The following NTRK2 variants were observed in gnomAD, a reference collection of about 807,000 sequenced individuals.
The protein encoded by NTRK2 is neurotrophic receptor tyrosine kinase 2.
A neutral mutation model predicts 94.5 loss-of-function variants in NTRK2; 13 were observed. The observed-to-expected ratio is 0.14, with a 90% confidence interval of 0.09 to 0.22. NTRK2 has a LOEUF of 0.22. NTRK2 is among the 10% of genes least tolerant of loss of function. The probability of loss-of-function intolerance (pLI) is 1.00; values close to 1 mark genes in which losing one functional copy is unlikely to be tolerated. For missense variants in NTRK2, 639 were observed against 1,071.2 expected, an observed-to-expected ratio of 0.60 and a Z score of 5.63; for synonymous variants, 372 against 407.4, an observed-to-expected ratio of 0.91 and a Z score of 1.05.
intron 12 of NTRK2, chr9:84,811,296 C>CCTAAAAG: frequency 9.4e-7 from 1 of 1,065,196 alleles, no homozygotes. Context: ...CAAAACAAAA[C>CCTAAAAG]AAACAAATGA....
intron 17 of NTRK2, among the ~76,000 whole-genome samples, chr9:85,000,125 G>A (rs1300610294): frequency 6.6e-6 from 1 of 152,048 alleles, no homozygotes; most frequent in Non-Finnish European, 1.5e-5. Flanking sequence ...ATAGCAAAGT[G>A]GAACAGAAAG....
chr9:84,893,256 AG>A (rs758988967), intron 14 of NTRK2, among the ~76,000 whole-genome samples: 37 of 152,178 alleles, frequency 2.4e-4, no homozygotes, highest in Non-Finnish European at 5.0e-4. Flanking sequence ...TGCCTGTTCT[AG>A]GGCTTCAAAT....
chr9:84,893,484 T>C (rs1026699470), intron 14 of NTRK2, among the ~76,000 whole-genome samples: 4 of 152,280 alleles, frequency 2.6e-5, no homozygotes, highest in Admixed American at 2.6e-4. Context: ...CATGCTCTTA[T>C]TTCAGTGTCC....
intron 12 of NTRK2, among the ~76,000 whole-genome samples, chr9:84,789,900 G>A (rs35565890): frequency 0.066 from 10,077 of 152,192 alleles, 567 homozygotes; most frequent in African/African-American, 0.15. Flanking sequence ...GCAATGTAGT[G>A]GATGTAGGGG....
intron 12 of NTRK2, among the ~76,000 whole-genome samples, chr9:84,795,250 G>C (rs1001881248): frequency 1.3e-5 from 2 of 152,188 alleles, no homozygotes; most frequent in African/African-American, 4.8e-5. Flanking sequence ...GGTCTTTGCT[G>C]TTGGCCTCTG....
At chr9:84,742,537 G>A (rs149981259) in intron 10 of NTRK2, among the ~76,000 whole-genome samples, 23 of 152,254 alleles carry the variant, frequency 1.5e-4, no homozygotes, top group Non-Finnish European at 2.4e-4. Context: ...TCCTGAAGGC[G>A]TCCTCAAGGA....
intron 6 of NTRK2, among the ~76,000 whole-genome samples, chr9:84,718,638 G>T: frequency 6.6e-6 from 1 of 152,302 alleles, no homozygotes; most frequent in Non-Finnish European, 1.5e-5. Flanking sequence ...AAGGAAGACA[G>T]CTGTAGGGCT....
At chr9:84,786,165 C>T (rs1457063426) in intron 12 of NTRK2, among the ~76,000 whole-genome samples, 1 of 152,172 alleles carries the variant, frequency 6.6e-6, no homozygotes, top group Non-Finnish European at 1.5e-5. Flanking sequence ...TCCCACAGTC[C>T]CCTGAAGCTT....
At chr9:84,902,622 C>T (rs181524778) in intron 14 of NTRK2, among the ~76,000 whole-genome samples, 81 of 152,230 alleles carry the variant, frequency 5.3e-4, no homozygotes, top group Non-Finnish European at 1.6e-4. Context: ...AGCAGGCAAA[C>T]GAATCCACAG....
intron 16 of NTRK2, among the ~76,000 whole-genome samples, chr9:84,949,747 T>C (rs987934522): frequency 6.6e-6 from 1 of 152,172 alleles, no homozygotes; most frequent in African/African-American, 2.4e-5. Context: ...AAAACAGGCA[T>C]GAGCCACCAC....
intron 14 of NTRK2, chr9:84,876,675 G>C (rs1051670981): frequency 8.5e-6 from 9 of 1,059,768 alleles, no homozygotes; most frequent in Non-Finnish European, 9.1e-6. Flanking sequence ...ATATGTATTA[G>C]GGTTCAGGAA....
rs1187586456 is a variant in NTRK2, at chr9:84,803,094, T to C, written c.1396+51009T>C. ...GGATGATCACCATTTCAACCTAAGC[T>C]TCCCCAGATACCAACAGAGTGCCAA... On this transcript the variant is annotated intron_variant, in intron 12 of 18. Coordinates refer to ENST00000277120, the MANE Select transcript of NTRK2 (RefSeq NM_006180.6). 3.9e-5 allele frequency among the ~76,000 whole-genome samples: 6 copies of C among 152,104 alleles called. No homozygotes were observed. In the East Asian group the frequency reaches 1.2e-3, roughly 29 times the overall value.
Position 84,809,998 on chromosome 9 carries a change from G to A in NTRK2, c.1397-51042G>A, listed in dbSNP as rs2071590157. Among the ~76,000 whole-genome samples the A allele has an allele frequency of 4.6e-5, 7 of 151,982 alleles. No homozygotes were observed. In the South Asian group the frequency reaches 1.5e-3, roughly 32 times the overall value. ...GGGCCAGTTGCTGAGTAACTAATCAGTTCTTTTAGAAAAGATTTGCTAAAA... is the reference window on the plus strand; with the variant it reads ...GGGCCAGTTGCTGAGTAACTAATCAATTCTTTTAGAAAAGATTTGCTAAAA... On this transcript the variant is annotated intron_variant, in intron 12 of 18. Coordinates refer to ENST00000277120, the MANE Select transcript of NTRK2 (RefSeq NM_006180.6).
intron 14 of NTRK2, among the ~76,000 whole-genome samples, chr9:84,887,966 C>T (rs1438296963): frequency 6.6e-6 from 1 of 152,084 alleles, no homozygotes; most frequent in Non-Finnish European, 1.5e-5. Flanking sequence ...GATTAAAATT[C>T]AGATAAATGT....
intron 2 of NTRK2, among the ~76,000 whole-genome samples, chr9:84,699,606 TCTC>T (rs1335545975): frequency 6.6e-6 from 1 of 151,948 alleles, no homozygotes; most frequent in Non-Finnish European, 1.5e-5. Flanking sequence ...TTTATCCTCA[TCTC>T]CTTCTTTCTT....
intron 2 of NTRK2, among the ~76,000 whole-genome samples, chr9:84,683,793 TA>T (rs2059540022): frequency 6.6e-6 from 1 of 152,226 alleles, no homozygotes; most frequent in Non-Finnish European, 1.5e-5. Flanking sequence ...TGAACTAATT[TA>T]CACTCGCACC....
intron 14 of NTRK2, among the ~76,000 whole-genome samples, chr9:84,925,200 TC>T (rs1381996551): frequency 2.8e-5 from 4 of 142,344 alleles, no homozygotes; most frequent in African/African-American, 1.0e-4. Flanking sequence ...CTTCTCTTCT[TC>T]TTTTTTTTTT....
In NTRK2 at chr9:84,796,007, C is replaced by T. The variant is rs1383573786; in HGVS notation, c.1396+43922C>T. ...TAAGATTCTTTAATTTATAGTTGAC[C>T]ACATCCCTGCTCCCTATCTCACAGA... On this transcript the variant is annotated intron_variant, in intron 12 of 18. Transcript: ENST00000277120. 5.3e-5 allele frequency among the ~76,000 whole-genome samples: 8 copies of T among 151,572 alleles called. No individual in the cohort carries two copies. In the East Asian group the frequency reaches 1.5e-3, roughly 29 times the overall value.
chr9:84,900,966 A>G (rs1306332448), intron 14 of NTRK2, among the ~76,000 whole-genome samples: 4 of 152,240 alleles, frequency 2.6e-5, no homozygotes, highest in Admixed American at 1.3e-4. Context: ...GGTTGTGCTA[A>G]TAAACGGCAT....
Sources: gnomAD v4.1 joint callset for allele counts (sites outside exome capture counted in the v4.1 genomes callset) on GRCh38, gnomAD v4.1.1 for gene constraint, MANE v1.5 for transcripts, NCBI Gene and HGNC (gene_info 2026-07-23, HGNC 2026-07-21) for gene names.